The following SH3GL2 variants were observed in gnomAD, a reference collection of about 807,000 sequenced individuals.
SH3GL2 encodes SH3 domain containing GRB2 like 2, endophilin A1.
SH3GL2 carries 24 observed loss-of-function variants against 46.0 expected under a neutral mutation model. The observed-to-expected ratio is 0.52, with a 90% CI of 0.38 to 0.73. The LOEUF (loss-of-function observed/expected upper bound fraction) is 0.73, where lower values mean the gene tolerates loss of function less well. Among genes scored for constraint, SH3GL2 ranks in the 30% least tolerant of loss-of-function variants. The pLI is 0.00. For missense variants in SH3GL2, 413 were observed against 424.2 expected (o/e 0.97, Z 0.23); for synonymous variants, 196 against 147.1 (o/e 1.33, Z -2.40).
chr9:17,611,517 A>G (rs887617964), intron 1 of SH3GL2, among the ~76,000 whole-genome samples: 3 of 152,094 alleles, frequency 2.0e-5, no homozygotes, highest in Admixed American at 6.5e-5. Flanking sequence ...ATGTCATCGC[A>G]TTGGTGTGTT....
chr9:17,724,019 G>C (rs192410872), intron 1 of SH3GL2, among the ~76,000 whole-genome samples: 25 of 152,090 alleles, frequency 1.6e-4, no homozygotes, highest in African/African-American at 5.1e-4. Flanking sequence ...GTATAGATTA[G>C]CATTTTTCAT....
intron 1 of SH3GL2, among the ~76,000 whole-genome samples, chr9:17,651,220 T>C (rs553227705): frequency 1.3e-5 from 2 of 152,348 alleles, no homozygotes; most frequent in African/African-American, 4.8e-5. Context: ...TGTATATTTT[T>C]AGATTTACTT....
intron 3 of SH3GL2, among the ~76,000 whole-genome samples, chr9:17,782,780 A>G (rs1042794056): frequency 6.6e-6 from 1 of 152,164 alleles, no homozygotes; most frequent in Non-Finnish European, 1.5e-5. Flanking sequence ...AAAATGTTTA[A>G]ATGAAGTAAT....
intron 1 of SH3GL2, among the ~76,000 whole-genome samples, chr9:17,680,263 AT>A (rs1020468465): frequency 2.6e-5 from 4 of 151,692 alleles, no homozygotes; most frequent in African/African-American, 9.7e-5. Flanking sequence ...TGGTCCTGGG[AT>A]TTTTTTGGTT....
intron 1 of SH3GL2, among the ~76,000 whole-genome samples, chr9:17,643,865 G>A (rs1280074103): frequency 6.6e-6 from 1 of 152,136 alleles, no homozygotes; most frequent in Non-Finnish European, 1.5e-5. Flanking sequence ...TAAGAGAGGA[G>A]TCCCTCTTTT....
At chr9:17,670,842 G>T (rs1820456850) in intron 1 of SH3GL2, among the ~76,000 whole-genome samples, 1 of 152,122 alleles carries the variant, frequency 6.6e-6, no homozygotes. Flanking sequence ...TCAAATGTTA[G>T]TGGGTAACAG....
At chr9:17,734,621 A>G (rs1189974386) in intron 1 of SH3GL2, among the ~76,000 whole-genome samples, 2 of 152,168 alleles carry the variant, frequency 1.3e-5, no homozygotes. Context: ...ATTCAGCCAT[A>G]AAAGGAATGA....
intron 1 of SH3GL2, among the ~76,000 whole-genome samples, chr9:17,628,139 T>G (rs1819327199): frequency 6.6e-6 from 1 of 152,216 alleles, no homozygotes; most frequent in Non-Finnish European, 1.5e-5. Flanking sequence ...CAGTTTCTTC[T>G]TTAAAACACG....
At chr9:17,668,056 C>T (rs1303273617) in intron 1 of SH3GL2, among the ~76,000 whole-genome samples, 1 of 152,142 alleles carries the variant, frequency 6.6e-6, no homozygotes, top group Non-Finnish European at 1.5e-5. Flanking sequence ...GATATATGAG[C>T]TGCAAATATT....
At chr9:17,627,142 G>A (rs930404862) in intron 1 of SH3GL2, among the ~76,000 whole-genome samples, 6 of 152,242 alleles carry the variant, frequency 3.9e-5, no homozygotes, top group African/African-American at 1.4e-4. Context: ...AGATTCCAAA[G>A]CCAGAGTTTT....
chr9:17,663,142 A>G (rs1390293375), intron 1 of SH3GL2, among the ~76,000 whole-genome samples: 2 of 152,162 alleles, frequency 1.3e-5, no homozygotes, highest in African/African-American at 2.4e-5. Context: ...TTATTTCTCT[A>G]TTCCTCATTT....
intron 1 of SH3GL2, among the ~76,000 whole-genome samples, chr9:17,654,833 T>A (rs1820035882): frequency 6.6e-6 from 1 of 152,100 alleles, no homozygotes; most frequent in Non-Finnish European, 1.5e-5. Context: ...GGAAATTAGG[T>A]AATAGTACAA....
intron 1 of SH3GL2, among the ~76,000 whole-genome samples, chr9:17,620,294 C>G (rs1015028648): frequency 2.0e-5 from 3 of 152,132 alleles, no homozygotes; most frequent in African/African-American, 7.2e-5. Flanking sequence ...TGCTACGCAC[C>G]ATACACTGCA....
At chr9:17,639,339 GA>G (rs1233804180) in intron 1 of SH3GL2, among the ~76,000 whole-genome samples, 1 of 152,128 alleles carries the variant, frequency 6.6e-6, no homozygotes, top group Non-Finnish European at 1.5e-5. Flanking sequence ...AATATGTGAA[GA>G]ACTCTTACAC....
chr9:17,671,799 T>C (rs1460551327), intron 1 of SH3GL2, among the ~76,000 whole-genome samples: 2 of 152,226 alleles, frequency 1.3e-5, no homozygotes, highest in Non-Finnish European at 2.9e-5. Context: ...AAATGGCCTT[T>C]ATAACTGATA....
intron 1 of SH3GL2, among the ~76,000 whole-genome samples, chr9:17,688,282 G>T (rs967248632): frequency 2.6e-5 from 4 of 151,936 alleles, no homozygotes; most frequent in Non-Finnish European, 5.9e-5. Flanking sequence ...ATTGCCTTTT[G>T]GGGAGTTATT....
intron 1 of SH3GL2, among the ~76,000 whole-genome samples, chr9:17,648,606 A>T (rs763133440): frequency 6.6e-6 from 1 of 152,166 alleles, no homozygotes; most frequent in Non-Finnish European, 1.5e-5. Context: ...CATTATTATT[A>T]TAATAAATTT....
intron 1 of SH3GL2, among the ~76,000 whole-genome samples, chr9:17,614,666 G>A (rs1363330176): frequency 2.6e-5 from 4 of 152,144 alleles, no homozygotes; most frequent in Non-Finnish European, 5.9e-5. Context: ...TACTACTGTT[G>A]TTATTATTAC....
intron 1 of SH3GL2, among the ~76,000 whole-genome samples, chr9:17,598,873 C>G (rs1215703457): frequency 2.0e-5 from 3 of 152,118 alleles, no homozygotes; most frequent in African/African-American, 7.2e-5. Context: ...CAAAATAATA[C>G]ACGGTATTAA....
Sources: gnomAD v4.1 joint callset for allele counts (sites outside exome capture counted in the v4.1 genomes callset) on GRCh38, gnomAD v4.1.1 for gene constraint, MANE v1.5 for transcripts, NCBI Gene and HGNC (gene_info 2026-07-23, HGNC 2026-07-21) for gene names.